CLIP3: variants seen among roughly 807,000 people sequenced by gnomAD.
CLIP3 encodes CAP-Gly domain containing linker protein 3.
A neutral mutation model predicts 59.4 loss-of-function variants in CLIP3; 15 were observed. The observed-to-expected ratio is 0.25, with a 90% CI of 0.17 to 0.39. The LOEUF (loss-of-function observed/expected upper bound fraction) is 0.39. Ranked by LOEUF, CLIP3 falls within the 10% of genes least tolerant of loss-of-function variation. CLIP3 has a pLI of 1.00. For synonymous variants in CLIP3, 300 were observed against 321.6 expected (o/e 0.93, Z 0.72); for missense variants, 495 against 765.7 (o/e 0.65, Z 4.17).
At chr19:36,025,504 T>C (rs956629723) in intron 6 of CLIP3, among the ~76,000 whole-genome samples, 2 of 150,534 alleles carry the variant, frequency 1.3e-5, no homozygotes, top group Non-Finnish European at 2.9e-5. Context: ...GGCAGGAGAA[T>C]CGTTTGAACC....
At chr19:36,024,730 G>C in intron 6 of CLIP3, 98 bp from the exon 7 acceptor site, 1 of 1,190,074 alleles carries the variant, frequency 8.4e-7, no homozygotes, top group Non-Finnish European at 1.2e-6. Context: ...GGTGATGCAG[G>C]GGTAAGACTA....
In CLIP3 at chr19:36,016,782, G is replaced by A. The variant is rs1968809723; in HGVS notation, c.1589+125C>T. The A allele has an allele frequency of 1.0e-6, 1 of 980,832 alleles. No individual in the cohort carries two copies. The highest frequency in any genetic ancestry group is 1.6e-5 in the African/African-American group (1 of 61,950). The allele number at this position is 980,832 out of a possible 1,614,324, so 60.8% of individuals were successfully genotyped here. The stretch of plus-strand genomic sequence containing the variant: ...AGACTGTTTCTGGGTATGCTTACAA[G>A]TCACAAGTTTTCCTAACCTCTCTTT... On this transcript the variant is annotated intron_variant, in intron 13 of 13. Transcript: ENST00000360535. The surrounding 1 kb of genome is among the most constrained non-coding windows in gnomAD (Gnocchi z 4.1).
rs757678778 is a variant in CLIP3 at position 36,019,325 on chromosome 19, C to T, written c.919-19G>A. The T allele has an allele frequency of 4.0e-5, 64 of 1,601,156 alleles. No homozygotes were observed. The highest frequency in any genetic ancestry group is 1.1e-4 in the African/African-American group (8 of 74,780). On this transcript the variant is annotated intron_variant, in intron 7 of 13. Coordinates refer to ENST00000360535, the MANE Select transcript of CLIP3 (RefSeq NM_015526.3). ...TGCCCGTCTGGGGAGAGAAGGGAGG[C>T]GATGGCTAAGGAAGGAATGCTGGGA...
intron 9 of CLIP3, among the ~76,000 whole-genome samples, chr19:36,018,327 CCAA>C (rs1968855552): frequency 6.6e-6 from 1 of 152,080 alleles, no homozygotes; most frequent in Non-Finnish European, 1.5e-5. Context: ...GCCTGTAATC[CCAA>C]CATTTTGAGA....
intron 7 of CLIP3, among the ~76,000 whole-genome samples, chr19:36,021,644 G>A (rs58991245): frequency 0.11 from 17,193 of 151,682 alleles, 2,494 homozygotes; most frequent in African/African-American, 0.34. Context: ...GGCTGGTCTC[G>A]AATTCCTGGG....
chr19:36,024,134 C>T (rs1302085096), intron 7 of CLIP3, among the ~76,000 whole-genome samples: 3 of 152,228 alleles, frequency 2.0e-5, no homozygotes, highest in African/African-American at 7.2e-5. Flanking sequence ...TCACCCCTCC[C>T]CATGGCAGCC....
chr19:36,026,392 C>T lies in CLIP3; in HGVS notation c.563-127G>A. The T allele has an allele frequency of 1.8e-6, 2 of 1,082,774 alleles. No individual in the cohort carries two copies. Among genetic ancestry groups the T allele is most frequent in the East Asian group, 2.6e-5 (1 of 38,918 alleles). 67.1% of individuals were successfully genotyped at this position (1,082,774 alleles called of 1,614,324 possible). On this transcript the variant is annotated intron_variant, in intron 5 of 13. Coordinates refer to ENST00000360535, the MANE Select transcript of CLIP3 (RefSeq NM_015526.3). This position sits in a 1 kb window ranked among gnomAD's most constrained non-coding sequence, Gnocchi z 6.3. ...CCGACGCAGAGCCCCGCCCCCACCT[C>T]GGAGCCCCCCTCTCCCTTGGCAGCC...
At chr19:36,025,240 C>T (rs1391721698) in intron 6 of CLIP3, among the ~76,000 whole-genome samples, 2 of 152,040 alleles carry the variant, frequency 1.3e-5, no homozygotes, top group Non-Finnish European at 1.5e-5. Flanking sequence ...CTCAGGGAGG[C>T]AATCTCTGGA....
At position 36,016,218 on chromosome 19, in the gene CLIP3, A is replaced by G. The variant is rs750330836; in HGVS notation, c.1590-6T>C. 11 of 1,613,960 alleles carry G rather than the reference A, an allele frequency of 6.8e-6. No homozygotes were observed. Among genetic ancestry groups the G allele is most frequent in the Admixed American group, 1.7e-5 (1 of 60,000 alleles). On this transcript the variant is annotated splice_polypyrimidine_tract_variant and splice_region_variant and intron_variant, in intron 13 of 13. Coordinates refer to ENST00000360535, the MANE Select transcript of CLIP3 (RefSeq NM_015526.3). This position sits in a 1 kb window ranked among gnomAD's most constrained non-coding sequence, Gnocchi z 4.1. ...ACCAGCAGCAGAACAGCAACCTGGAAAGGAGGATGACAGGGTCACGCCCTT... is the reference window on the plus strand; with the variant it reads ...ACCAGCAGCAGAACAGCAACCTGGAGAGGAGGATGACAGGGTCACGCCCTT...
rs576007829 is a variant in CLIP3 at position 36,018,979 on chromosome 19, G to C, written c.1102C>G (p.Pro368Ala). ...CGGGGTGTGGAGGTGACAGAGGAGG[G>C]GGGTGCGTCCACTGCCTTGGAGATC... ...SKISKAVDAPPSSVTSTPRTP... is the reference protein window; with the variant it reads ...SKISKAVDAPASSVTSTPRTP... The change falls in exon 9 of 14, where the codon CCC (proline) becomes GCC (alanine). Residue 368 changes from proline (P) to alanine (A), a missense_variant. By Grantham distance (27) the Pro-to-Ala change is conservative. This residue lies in a region of CLIP3 where 179 missense variants were observed against 226.2 expected (regional missense o/e 0.79). Transcript: ENST00000360535. The C allele has an allele frequency of 8.1e-6, 13 of 1,605,496 alleles. No individual in the cohort carries two copies. The highest frequency in any genetic ancestry group is 3.4e-6 in the Non-Finnish European group (4 of 1,175,950).
At chr19:36,017,194 G>A (rs538791677) in intron 12 of CLIP3, among the ~76,000 whole-genome samples, 192 bp downstream of exon 12, 10 of 152,156 alleles carry the variant, frequency 6.6e-5, no homozygotes, top group African/African-American at 9.6e-5. Context: ...TCATGTCCCC[G>A]AAGAGCCTTG....
chr19:36,028,454 C>T (rs1242130365), intron 2 of CLIP3, among the ~76,000 whole-genome samples: 1 of 152,230 alleles, frequency 6.6e-6, no homozygotes, highest in Admixed American at 6.5e-5. Flanking sequence ...TCTTCCCACT[C>T]GACTCTAAGG....
intron 2 of CLIP3, among the ~76,000 whole-genome samples, chr19:36,028,996 CTTT>C (rs71167588): frequency 4.2e-3 from 274 of 65,140 alleles, no homozygotes; most frequent in South Asian, 0.012. Flanking sequence ...ATCTCCTACT[CTTT>C]TTTTTTTTTT....
intron 7 of CLIP3, among the ~76,000 whole-genome samples, chr19:36,022,168 C>T (rs1357838130): frequency 6.6e-6 from 1 of 152,174 alleles, no homozygotes; most frequent in Non-Finnish European, 1.5e-5. Flanking sequence ...GCGTGAGGCA[C>T]CGCGCCCCGA....
Position 36,032,501 on chromosome 19 carries a change from C to T in CLIP3, c.-58-86G>A, listed in dbSNP as rs760164330. On this transcript the variant is annotated intron_variant, in intron 1 of 13. Coordinates refer to ENST00000360535, the MANE Select transcript of CLIP3 (RefSeq NM_015526.3). This position sits in a 1 kb window ranked among gnomAD's most constrained non-coding sequence, Gnocchi z 4.3. The stretch of plus-strand genomic sequence containing the variant: ...AGCTTCCAGGGCCCCGGGTGGCCTC[C>T]GCGCAACTGGATCTTGGGCAACCAT... The T allele has an allele frequency of 2.5e-4, 100 of 405,562 alleles. 2 individuals are homozygous for T. Among genetic ancestry groups the T allele is most frequent in the Non-Finnish European group, 4.1e-4 (96 of 233,152 alleles). 25.1% of individuals were successfully genotyped at this position (405,562 alleles called of 1,614,324 possible). A position where few individuals can be genotyped will look rare whatever the true frequency, so the allele number is the denominator to read the frequency against.
At chr19:36,021,822 C>T (rs1278056369) in intron 7 of CLIP3, among the ~76,000 whole-genome samples, 4 of 152,186 alleles carry the variant, frequency 2.6e-5, no homozygotes, top group Non-Finnish European at 5.9e-5. Context: ...CTCCATGCCT[C>T]AGTTCCTGGT....
At position 36,017,428 on chromosome 19, in the gene CLIP3, G is replaced by C; in HGVS notation, c.1474C>G (p.Pro492Ala). Residue 492 changes from proline to alanine, a missense_variant, in exon 12 of 14, where the codon CCC becomes GCC. Pro to Ala is a conservative substitution (Grantham distance 27, BLOSUM62 -1). Around this residue, in one of 5 missense-constraint regions of CLIP3, gnomAD observed 179 missense variants for 226.2 expected, o/e 0.79. Transcript: ENST00000360535. ...TTTTTGGCTCCAACGCTGTCCCCGG[G>C]GGAATCAGTGGATCCGCCAATCCTG... ...IQRIGGSTDS[P>A]GDSVGAKKVH... The C allele has an allele frequency of 6.2e-7, 1 of 1,614,186 alleles. No individual in the cohort carries two copies. Among genetic ancestry groups the C allele is most frequent in the Non-Finnish European group, 8.5e-7 (1 of 1,180,038 alleles).
chr19:36,017,511 G>A (rs1968830552), intron 11 of CLIP3, 61 bp from the exon 12 acceptor site: 10 of 1,604,564 alleles, frequency 6.2e-6, no homozygotes, highest in East Asian at 2.2e-5. Flanking sequence ...CTGACTGAGA[G>A]CTGGGCCCCA....
intron 2 of CLIP3, among the ~76,000 whole-genome samples, chr19:36,031,292 C>T (rs1046569045): frequency 4.6e-5 from 7 of 152,158 alleles, no homozygotes; most frequent in African/African-American, 1.4e-4. Flanking sequence ...GCTGGGATTA[C>T]AGGCGTGAGA....
Sources: allele counts gnomAD v4.1 joint callset (sites outside exome capture counted in the v4.1 genomes callset), GRCh38; gene constraint gnomAD v4.1.1; regional missense constraint gnomAD v4.1.1; non-coding constraint Gnocchi (gnomAD v3.1); transcripts MANE v1.5; gene names NCBI Gene and HGNC (gene_info 2026-07-23, HGNC 2026-07-21).